PDCD10: variants seen among roughly 807,000 people sequenced by gnomAD.
The protein encoded by PDCD10 is programmed cell death 10.
PDCD10 carries 4 observed loss-of-function variants against 29.2 expected under a neutral mutation model. The ratio of observed to expected loss-of-function variants is 0.14; its 90% CI spans 0.07 to 0.31. The LOEUF (loss-of-function observed/expected upper bound fraction) is 0.31, where lower values mean the gene tolerates loss of function less well. Among genes scored for constraint, PDCD10 ranks in the 10% least tolerant of loss-of-function variants. The pLI is 1.00. For missense variants in PDCD10, 183 were observed against 257.9 expected, an observed-to-expected ratio of 0.71 and a Z score of 1.99; for synonymous variants, 70 against 82.2, an observed-to-expected ratio of 0.85 and a Z score of 0.80.
intron 2 of PDCD10, chr3:167,725,256 C>CAAAAAAAA (rs1178264599): frequency 2.4e-5 from 2 of 84,174 alleles, no homozygotes; most frequent in African/African-American, 7.7e-5. Context: ...GACTCTGTCT[C>CAAAAAAAA]AAAAAAGAAA....
intron 3 of PDCD10, among the ~76,000 whole-genome samples, chr3:167,708,837 G>A (rs937963215): frequency 6.6e-6 from 1 of 152,114 alleles, no homozygotes; most frequent in Non-Finnish European, 1.5e-5. Flanking sequence ...AAATATATGC[G>A]AAAGATTCCT....
chr3:167,694,913 C>T (rs1177944950), intron 6 of PDCD10, among the ~76,000 whole-genome samples: 1 of 152,236 alleles, frequency 6.6e-6, no homozygotes, highest in African/African-American at 2.4e-5. Context: ...AGTGACACTG[C>T]AAGTATTCCC....
chr3:167,724,485 C>T (rs547237852), intron 2 of PDCD10, among the ~76,000 whole-genome samples: 1 of 152,294 alleles, frequency 6.6e-6, no homozygotes, highest in Non-Finnish European at 1.5e-5. Flanking sequence ...TAGCAGTGAG[C>T]AGAATCCTGT....
At chr3:167,696,423 T>C (rs1393200989) in intron 5 of PDCD10, among the ~76,000 whole-genome samples, 2 of 152,204 alleles carry the variant, frequency 1.3e-5, no homozygotes, top group Admixed American at 6.5e-5. Context: ...CTTAAAATCA[T>C]GGAATCAGTT....
At chr3:167,703,645 T>TA (rs1347130260) in intron 4 of PDCD10, among the ~76,000 whole-genome samples, 2 of 152,064 alleles carry the variant, frequency 1.3e-5, no homozygotes, top group South Asian at 4.1e-4. Flanking sequence ...AAATAAAAAT[T>TA]AAAGTTTTGG....
chr3:167,690,319 C>G (rs1244639354), intron 6 of PDCD10, among the ~76,000 whole-genome samples: 1 of 152,182 alleles, frequency 6.6e-6, no homozygotes, highest in Non-Finnish European at 1.5e-5. Flanking sequence ...CGCATTTATG[C>G]AAATGCACTA....
At position 167,734,298 on chromosome 3, in the gene PDCD10, T is replaced by C. The variant is rs1725149895; in HGVS notation, c.-201A>G. The C allele has an allele frequency of 6.6e-6, 1 of 152,358 alleles. No individual in the cohort carries two copies. The highest frequency in any genetic ancestry group is 2.4e-5 in the African/African-American group (1 of 41,450). 9.4% of individuals were successfully genotyped at this position (152,358 alleles called of 1,614,324 possible). On this transcript the variant is annotated 5_prime_UTR_variant, in exon 2 of 9. Coordinates refer to ENST00000392750, the MANE Select transcript of PDCD10 (RefSeq NM_007217.4). ...GAGGGCCACATCATTAAACTGGAAC[T>C]GAATCCGTAGACCCCAACATTTGTC...
At chr3:167,688,894 T>C (rs1185765195) in intron 6 of PDCD10, among the ~76,000 whole-genome samples, 1 of 152,202 alleles carries the variant, frequency 6.6e-6, no homozygotes, top group African/African-American at 2.4e-5. Flanking sequence ...CATGTGGGTG[T>C]TTCCCAGCAT....
At chr3:167,698,398 T>G (rs182955855) in intron 4 of PDCD10, among the ~76,000 whole-genome samples, 1 of 152,216 alleles carries the variant, frequency 6.6e-6, no homozygotes. Context: ...TAGCCAGGCA[T>G]GGTGGGGTGT....
chr3:167,720,579 C>A (rs1723467011), intron 2 of PDCD10, among the ~76,000 whole-genome samples: 3 of 151,710 alleles, frequency 2.0e-5, no homozygotes, highest in African/African-American at 7.3e-5. Flanking sequence ...TGTCATGCCA[C>A]CATATACAAT....
At chr3:167,724,602 A>G (rs1294531478) in intron 2 of PDCD10, among the ~76,000 whole-genome samples, 1 of 152,224 alleles carries the variant, frequency 6.6e-6, no homozygotes, top group African/African-American at 2.4e-5. Flanking sequence ...GACCAAATTC[A>G]TGAGTTGAGA....
chr3:167,731,337 C>T (rs763874748), intron 2 of PDCD10, among the ~76,000 whole-genome samples: 5 of 152,092 alleles, frequency 3.3e-5, no homozygotes, highest in East Asian at 1.9e-4. Flanking sequence ...AGCAATTCTG[C>T]GGCAAATGAA....
At chr3:167,706,929 G>A (rs562196543) in intron 3 of PDCD10, among the ~76,000 whole-genome samples, 1 of 152,288 alleles carries the variant, frequency 6.6e-6, no homozygotes, top group African/African-American at 2.4e-5. Context: ...AAGAAACTCA[G>A]TTTGACTCTG....
At chr3:167,699,857 T>G (rs1721193874) in intron 4 of PDCD10, among the ~76,000 whole-genome samples, 2 of 152,166 alleles carry the variant, frequency 1.3e-5, no homozygotes, top group Non-Finnish European at 2.9e-5. Context: ...GGAAAAATTT[T>G]TGGAGATCAG....
chr3:167,726,114 GTTTTTTTTTT>G (rs751342370), intron 2 of PDCD10, among the ~76,000 whole-genome samples: 2 of 85,766 alleles, frequency 2.3e-5, no homozygotes, highest in African/African-American at 9.4e-5. Context: ...GTAGAGTACT[GTTTTTTTTTT>G]TTTTTTTTTT....
At chr3:167,729,861 C>G (rs1345594480) in intron 2 of PDCD10, among the ~76,000 whole-genome samples, 1 of 152,194 alleles carries the variant, frequency 6.6e-6, no homozygotes, top group East Asian at 1.9e-4. Flanking sequence ...ACATGTTCCA[C>G]TGCTGTTACC....
At chr3:167,721,301 G>T (rs1261311804) in intron 2 of PDCD10, among the ~76,000 whole-genome samples, 1 of 151,970 alleles carries the variant, frequency 6.6e-6, no homozygotes, top group African/African-American at 2.4e-5. Context: ...TAAATAACTT[G>T]CCCAAGATCA....
intron 6 of PDCD10, among the ~76,000 whole-genome samples, chr3:167,690,004 A>C (rs1468900951): frequency 6.6e-6 from 1 of 152,226 alleles, no homozygotes; most frequent in African/African-American, 2.4e-5. Context: ...ACGAGAGAAA[A>C]TACCAGGACA....
intron 3 of PDCD10, among the ~76,000 whole-genome samples, chr3:167,710,218 A>C (rs1722395497): frequency 6.6e-6 from 1 of 152,032 alleles, no homozygotes; most frequent in African/African-American, 2.4e-5. Context: ...GAAATATAAG[A>C]GGGATTTTGT....
Sources: allele counts gnomAD v4.1 joint callset (sites outside exome capture counted in the v4.1 genomes callset), GRCh38; gene constraint gnomAD v4.1.1; transcripts MANE v1.5; gene names NCBI Gene and HGNC (gene_info 2026-07-23, HGNC 2026-07-21).